The following SHMT1 variants were observed in gnomAD, a reference collection of about 807,000 sequenced individuals.
SHMT1 encodes the protein serine hydroxymethyltransferase 1, also known as serine hydroxymethyltransferase, cytosolic.
SHMT1 carries 45 observed loss-of-function variants against 49.0 expected under a neutral mutation model. That is an observed-to-expected ratio of 0.92 (90% CI 0.72 to 1.18). The LOEUF is 1.18. Among genes scored for constraint, SHMT1 ranks in the 50% most tolerant of loss-of-function variants. SHMT1 has a pLI of 0.00. For synonymous variants in SHMT1, 232 were observed against 246.6 expected (o/e 0.94, Z 0.55); for missense variants, 541 against 612.4 (o/e 0.88, Z 1.23).
chr17:18,348,676 T>C (rs942525350), intron 3 of SHMT1: 2 of 632,610 alleles, frequency 3.2e-6, no homozygotes, highest in Non-Finnish European at 6.0e-6. Context: ...ATCTCATCTA[T>C]AAAAAGAGGG....
intron 1 of SHMT1, among the ~76,000 whole-genome samples, chr17:18,356,461 G>A (rs1018610237): frequency 6.6e-6 from 1 of 152,120 alleles, no homozygotes; most frequent in African/African-American, 2.4e-5. Flanking sequence ...TCAGCCTCCT[G>A]AGTAGCTGGG....
At chr17:18,332,536 C>T (rs1983326560) in intron 9 of SHMT1, 1 of 177,276 alleles carries the variant, frequency 5.6e-6, no homozygotes, top group Admixed American at 5.4e-5. Context: ...ATAAAGTCGC[C>T]CTTCCTCCGG....
chr17:18,356,481 G>A (rs56159325), intron 1 of SHMT1, among the ~76,000 whole-genome samples: 16,610 of 152,096 alleles, frequency 0.11, 1,009 homozygotes, highest in South Asian at 0.18. Flanking sequence ...GACTACAGGC[G>A]TGCGCCACTA....
chr17:18,348,412 C>A lies in SHMT1; in HGVS notation c.271G>T (p.Glu91Ter), dbSNP rs746585562. 11 of 1,613,582 alleles carry A rather than the reference C, an allele frequency of 6.8e-6. No individual in the cohort carries two copies. Among genetic ancestry groups the A allele is most frequent in the Non-Finnish European group, 9.3e-6 (11 of 1,179,674 alleles). Residue 91 changes from glutamate (E) to a stop codon, truncating the protein, a stop_gained, in exon 4 of 12, where the codon GAA becomes TAA. Transcript: ENST00000316694. LOFTEE classifies it high-confidence loss of function. ...CGCTTCTGACAGAGGGTCTCCAGTT[C>A]ATCAATAAACTCAGTCCCGCCATAG... ...RYYGGTEFID[E>*]LETLCQKRAL... is the part of the protein sequence containing the mutation.
chr17:18,357,320 A>G (rs542945912), intron 1 of SHMT1, among the ~76,000 whole-genome samples: 2 of 151,468 alleles, frequency 1.3e-5, no homozygotes, highest in Admixed American at 1.3e-4. Context: ...TATTTTCCAA[A>G]TGACTGAACA....
rs377322111 is a variant in SHMT1 at position 18,353,659 on chromosome 17, G to A, written c.242+13C>T. 2.5e-6 allele frequency: 4 copies of A among 1,613,756 alleles called. No individual in the cohort carries two copies. The highest frequency in any genetic ancestry group is 1.7e-5 in the Admixed American group (1 of 59,958). ...ACTGTGTCAGAACCAGGCCTTTGAA[G>A]ATATTCACATACCTCTGGCCCGGGT... On this transcript the variant is annotated intron_variant, in intron 3 of 11. Transcript: ENST00000316694.
In SHMT1 at chr17:18,333,234, T is replaced by A. The variant is rs761633654; in HGVS notation, c.986A>T (p.His329Leu). Residue 329 changes from histidine (H) to leucine (L), a missense_variant, in exon 9 of 12, where the codon CAC becomes CTC. By Grantham distance (99) the His-to-Leu change is moderately conservative. Transcript: ENST00000316694. ...AMTLEFKVYQHQVVANCRALS... is the reference protein window; with the variant it reads ...AMTLEFKVYQLQVVANCRALS... ...AGCCCTGCAGTTGGCCACCACCTGG[T>A]GTTGATAAACTTTAAATTCCAGAGT... 6.2e-7 allele frequency: 1 copy of A among 1,613,908 alleles called. No individual in the cohort carries two copies. The highest frequency in any genetic ancestry group is 1.7e-5 in the Admixed American group (1 of 60,010).
intron 5 of SHMT1, among the ~76,000 whole-genome samples, chr17:18,347,054 C>A (rs1985155226): frequency 6.6e-6 from 1 of 152,194 alleles, no homozygotes; most frequent in African/African-American, 2.4e-5. Context: ...GGTGCTGGAG[C>A]TGGGGACGTT....
chr17:18,360,710 G>A (rs1284609373), intron 1 of SHMT1, among the ~76,000 whole-genome samples: 3 of 152,188 alleles, frequency 2.0e-5, no homozygotes, highest in African/African-American at 4.8e-5. Flanking sequence ...TCTACGCAGA[G>A]TAAACAAGTG....
At chr17:18,346,631 G>T (rs1425087549) in intron 5 of SHMT1, among the ~76,000 whole-genome samples, 1 of 152,050 alleles carries the variant, frequency 6.6e-6, no homozygotes, top group East Asian at 1.9e-4. Context: ...AACTTATGGG[G>T]TTACATTCCA....
At chr17:18,361,347 T>C (rs1986754455) in intron 1 of SHMT1, among the ~76,000 whole-genome samples, 2 of 141,742 alleles carry the variant, frequency 1.4e-5, no homozygotes, top group South Asian at 4.5e-4. Context: ...CATGGTGGCA[T>C]ATGCCTGTAA....
chr17:18,356,045 AT>A, intron 1 of SHMT1, 45 bp from the exon 2 acceptor site: 1 of 849,490 alleles, frequency 1.2e-6, no homozygotes, highest in Non-Finnish European at 1.9e-6. Context: ...AATTAAATTT[AT>A]TTATTTTATT....
intron 5 of SHMT1, among the ~76,000 whole-genome samples, chr17:18,346,476 C>CT (rs1985090994): frequency 6.6e-6 from 1 of 152,080 alleles, no homozygotes; most frequent in Non-Finnish European, 1.5e-5. Flanking sequence ...AAGTATTTGC[C>CT]TGGGGCCCTG....
intron 1 of SHMT1, among the ~76,000 whole-genome samples, chr17:18,360,705 G>A (rs911001506): frequency 6.6e-6 from 1 of 152,158 alleles, no homozygotes; most frequent in Non-Finnish European, 1.5e-5. Context: ...AGCAATCTAC[G>A]CAGAGTAAAC....
chr17:18,345,848 T>C (rs1316689449), intron 5 of SHMT1, among the ~76,000 whole-genome samples: 1 of 149,142 alleles, frequency 6.7e-6, no homozygotes, highest in East Asian at 2.0e-4. Flanking sequence ...ACCTGAGGAA[T>C]TTTTTGTATT....
intron 8 of SHMT1, 85 bp from the exon 9 acceptor site, chr17:18,333,373 A>G (rs888239445): frequency 1.4e-6 from 2 of 1,397,928 alleles, no homozygotes; most frequent in Non-Finnish European, 2.0e-6. Flanking sequence ...GTTTTTACTC[A>G]AGCTTCCTTG....
chr17:18,350,207 T>C (rs1985540247), intron 3 of SHMT1, among the ~76,000 whole-genome samples: 1 of 151,962 alleles, frequency 6.6e-6, no homozygotes, highest in Admixed American at 6.6e-5. Context: ...GGCGGGCGCC[T>C]GTAGTCCCAG....
At chr17:18,353,313 G>A (rs563797418) in intron 3 of SHMT1, among the ~76,000 whole-genome samples, 1 of 152,292 alleles carries the variant, frequency 6.6e-6, no homozygotes, top group Non-Finnish European at 1.5e-5. Flanking sequence ...TCCCAATACA[G>A]ACTCGATGAC....
chr17:18,333,109 A>G, intron 9 of SHMT1, 57 bp downstream of exon 9: 1 of 1,607,746 alleles, frequency 6.2e-7, no homozygotes, highest in Non-Finnish European at 8.5e-7. Context: ...CAAACTGAGA[A>G]GCAAGCCTTA....
Sources: gnomAD v4.1 joint callset for allele counts (sites outside exome capture counted in the v4.1 genomes callset) on GRCh38, gnomAD v4.1.1 for gene constraint, MANE v1.5 for transcripts, NCBI Gene and HGNC (gene_info 2026-07-23, HGNC 2026-07-21) for gene names.